Variants in ELMO1 observed in about 807,000 individuals in gnomAD.
ELMO1 encodes engulfment and cell motility protein 1.
Under a neutral mutation model 98.9 loss-of-function variants are expected in ELMO1, and 26 were observed. That is an observed-to-expected ratio of 0.26 (90% confidence interval 0.19 to 0.36). The LOEUF (loss-of-function observed/expected upper bound fraction) is 0.36, where lower values mean the gene tolerates loss of function less well. Among genes scored for constraint, ELMO1 ranks in the 10% least tolerant of loss-of-function variants. The probability of loss-of-function intolerance (pLI) is 1.00; values close to 1 mark genes in which losing one functional copy is unlikely to be tolerated. For synonymous variants in ELMO1, 346 were observed against 346.0 expected (o/e 1.00, Z 0.00); for missense variants, 627 against 935.2 (o/e 0.67, Z 4.30).
At chr7:36,934,352 T>C (rs1470707041) in intron 16 of ELMO1, among the ~76,000 whole-genome samples, 1 of 152,204 alleles carries the variant, frequency 6.6e-6, no homozygotes, top group Non-Finnish European at 1.5e-5. Flanking sequence ...TGACAACATC[T>C]GCCTTTGCTT....
chr7:37,092,293 C>A (rs1784139166), intron 15 of ELMO1, among the ~76,000 whole-genome samples: 1 of 151,640 alleles, frequency 6.6e-6, no homozygotes, highest in South Asian at 2.1e-4. Context: ...TGCCACAGCA[C>A]CCTCCTCACC....
intron 14 of ELMO1, among the ~76,000 whole-genome samples, chr7:37,130,973 C>CT (rs2129297585): frequency 6.6e-6 from 1 of 152,248 alleles, no homozygotes; most frequent in Admixed American, 6.5e-5. Context: ...TTGAGCCCAT[C>CT]TTTATGTTTC....
chr7:37,374,876 A>G (rs984324064), intron 1 of ELMO1, among the ~76,000 whole-genome samples: 1 of 152,094 alleles, frequency 6.6e-6, no homozygotes, highest in Non-Finnish European at 1.5e-5. Context: ...TGCAGCCAAG[A>G]TGGTGAAACT....
At chr7:37,244,925 C>T (rs1381876535) in intron 6 of ELMO1, among the ~76,000 whole-genome samples, 1 of 152,086 alleles carries the variant, frequency 6.6e-6, no homozygotes, top group African/African-American at 2.4e-5. Context: ...GAACTCTGGG[C>T]TGGTGGCTTA....
At chr7:37,064,397 ATG>A (rs1184405706) in intron 15 of ELMO1, among the ~76,000 whole-genome samples, 2 of 152,172 alleles carry the variant, frequency 1.3e-5, no homozygotes, top group Non-Finnish European at 2.9e-5. Flanking sequence ...TGCAGGGACT[ATG>A]TATGAGGGCT....
At chr7:37,250,572 C>T (rs912674090) in intron 6 of ELMO1, among the ~76,000 whole-genome samples, 5 of 151,986 alleles carry the variant, frequency 3.3e-5, no homozygotes, top group Admixed American at 1.3e-4. Flanking sequence ...GCGGGTGGAT[C>T]ACGAGGTCAG....
intron 1 of ELMO1, among the ~76,000 whole-genome samples, chr7:37,383,606 T>G (rs1802664734): frequency 6.6e-6 from 1 of 152,216 alleles, no homozygotes; most frequent in Non-Finnish European, 1.5e-5. Flanking sequence ...CATATTTTGT[T>G]ACATTTTTGG....
chr7:37,427,178 G>A (rs749657846), intron 1 of ELMO1, among the ~76,000 whole-genome samples: 6 of 152,134 alleles, frequency 3.9e-5, no homozygotes, highest in Non-Finnish European at 8.8e-5. Context: ...CAGAAGGTGC[G>A]GAGATGACTC....
chr7:36,916,013 C>G (rs1319532584), intron 16 of ELMO1, among the ~76,000 whole-genome samples: 1 of 152,172 alleles, frequency 6.6e-6, no homozygotes, highest in Non-Finnish European at 1.5e-5. Context: ...GGGAGGAAAT[C>G]TAAGCTTTTC....
chr7:37,076,065 A>G (rs1230964542), intron 15 of ELMO1, among the ~76,000 whole-genome samples: 1 of 152,132 alleles, frequency 6.6e-6, no homozygotes, highest in Non-Finnish European at 1.5e-5. Context: ...TGAATGTAAA[A>G]CTGATTTAAT....
chr7:37,259,924 CA>C (rs1441570599), intron 5 of ELMO1, among the ~76,000 whole-genome samples: 1 of 152,210 alleles, frequency 6.6e-6, no homozygotes, highest in East Asian at 1.9e-4. Flanking sequence ...TGTTGTTTCA[CA>C]TGCATTGGCT....
At chr7:36,943,601 A>G (rs1408096166) in intron 16 of ELMO1, among the ~76,000 whole-genome samples, 1 of 152,380 alleles carries the variant, frequency 6.6e-6, no homozygotes, top group Non-Finnish European at 1.5e-5. Context: ...CTGCTACGTA[A>G]GAAAGTTTGA....
intron 13 of ELMO1, among the ~76,000 whole-genome samples, chr7:37,156,373 G>C (rs1219920739): frequency 6.6e-6 from 1 of 152,168 alleles, no homozygotes; most frequent in African/African-American, 2.4e-5. Context: ...AAAAATCAAT[G>C]AATCCAGGAG....
intron 16 of ELMO1, among the ~76,000 whole-genome samples, chr7:36,956,780 G>A (rs774093771): frequency 1.8e-4 from 27 of 152,042 alleles, no homozygotes; most frequent in Non-Finnish European, 3.7e-4. Flanking sequence ...TGGGAAGAGT[G>A]AGAAAGTGGA....
intron 16 of ELMO1, among the ~76,000 whole-genome samples, chr7:36,994,574 CT>C (rs1442784511): frequency 1.3e-5 from 2 of 152,224 alleles, no homozygotes; most frequent in East Asian, 1.9e-4. Flanking sequence ...ATGAGGATAT[CT>C]GAAAACATCT....
intron 1 of ELMO1, among the ~76,000 whole-genome samples, chr7:37,446,939 A>G (rs1233185500): frequency 6.6e-6 from 1 of 152,228 alleles, no homozygotes; most frequent in Non-Finnish European, 1.5e-5. Flanking sequence ...AAGGTCAGCT[A>G]TAAGAAAAAT....
intron 16 of ELMO1, among the ~76,000 whole-genome samples, chr7:36,973,215 T>C (rs928239547): frequency 6.6e-6 from 1 of 152,214 alleles, no homozygotes; most frequent in East Asian, 1.9e-4. Flanking sequence ...CAGGCTCCCA[T>C]CCATCCTACA....
At chr7:36,881,601 C>A (rs1023669676) in intron 18 of ELMO1, among the ~76,000 whole-genome samples, 3 of 152,164 alleles carry the variant, frequency 2.0e-5, no homozygotes, top group African/African-American at 7.2e-5. Flanking sequence ...AGCCAGGCTT[C>A]ATCTCCAAAC....
At chr7:37,248,337 C>T (rs1362241177) in intron 6 of ELMO1, among the ~76,000 whole-genome samples, 3 of 150,328 alleles carry the variant, frequency 2.0e-5, no homozygotes, top group Non-Finnish European at 3.0e-5. Context: ...TTTTTTTTTT[C>T]GCCAACAGAA....
Sources: allele counts gnomAD v4.1 joint callset (sites outside exome capture counted in the v4.1 genomes callset), GRCh38; gene constraint gnomAD v4.1.1; transcripts MANE v1.5; gene names NCBI Gene and HGNC (gene_info 2026-07-23, HGNC 2026-07-21).